The following CACNA1C variants were observed in gnomAD, a reference collection of about 807,000 sequenced individuals.
The protein encoded by CACNA1C is voltage-dependent L-type calcium channel subunit alpha-1C.
In CACNA1C, 30 loss-of-function variants were observed where a neutral mutation model predicts 229.0. The observed-to-expected ratio is 0.13, with a 90% confidence interval of 0.10 to 0.18. The LOEUF (loss-of-function observed/expected upper bound fraction) is 0.18. Among genes scored for constraint, CACNA1C ranks in the 10% least tolerant of loss-of-function variants. The pLI is 1.00. For missense variants in CACNA1C, 1,658 were observed against 2,845.0 expected (o/e 0.58, Z 9.49); for synonymous variants, 1,114 against 1,132.5 (o/e 0.98, Z 0.33).
chr12:2,305,252 C>T (rs1041106487), intron 3 of CACNA1C, among the ~76,000 whole-genome samples: 1 of 152,212 alleles, frequency 6.6e-6, no homozygotes, highest in Non-Finnish European at 1.5e-5. Context: ...AAAGCTGGGG[C>T]AGATTCTGAG....
intron 3 of CACNA1C, among the ~76,000 whole-genome samples, chr12:2,273,377 A>G (rs956492067): frequency 6.6e-6 from 1 of 152,142 alleles, no homozygotes. Flanking sequence ...CAAGAATGCA[A>G]AGGGCCAACT....
chr12:1,977,202 A>G (rs1017546994), intron 1 of CACNA1C, among the ~76,000 whole-genome samples: 1 of 152,184 alleles, frequency 6.6e-6, no homozygotes, highest in Non-Finnish European at 1.5e-5. Context: ...AAGAGCTTTT[A>G]TTCCTCCATG....
chr12:2,498,292 C>T (rs568948006), intron 7 of CACNA1C, among the ~76,000 whole-genome samples: 8 of 152,232 alleles, frequency 5.3e-5, no homozygotes, highest in South Asian at 2.1e-4. Flanking sequence ...GAGTAGAGAC[C>T]GTGTTAGGAC....
Position 2,512,749 on chromosome 12 carries a change from C to T in CACNA1C, c.1218-63C>T. The T allele has an allele frequency of 2.3e-6, 3 of 1,283,402 alleles. No individual in the cohort carries two copies. Among genetic ancestry groups the T allele is most frequent in the Non-Finnish European group, 3.2e-6 (3 of 933,656 alleles). The allele number at this position is 1,283,402 out of a possible 1,614,324, so 79.5% of individuals were successfully genotyped here. ...CTCCATCTCTCCTTCCATCCTCGAC[C>T]CTTCTCGGTGCTCCCTCCTTCTCTG... is the stretch of plus-strand genomic sequence containing the variant. On this transcript the variant is annotated intron_variant, in intron 8 of 46. Coordinates refer to ENST00000399655, the MANE Select transcript of CACNA1C (RefSeq NM_000719.7). The surrounding 1 kb of genome is among the most constrained non-coding windows in gnomAD (Gnocchi z 4.3).
In CACNA1C at chr12:2,608,760, T is replaced by C; in HGVS notation, c.3558+48T>C. The C allele has an allele frequency of 2.5e-6, 4 of 1,595,530 alleles. No homozygotes were observed. The highest frequency in any genetic ancestry group is 3.4e-6 in the Non-Finnish European group (4 of 1,167,334). The stretch of plus-strand genomic sequence containing the variant: ...AGGGAAGCGGGGCCCACGGAGGGAA[T>C]GGCAGCCTGCGGCCCACCCCGCAGA... On this transcript the variant is annotated intron_variant, in intron 27 of 46. Coordinates refer to ENST00000399655, the MANE Select transcript of CACNA1C (RefSeq NM_000719.7). The surrounding 1 kb of genome is among the most constrained non-coding windows in gnomAD (Gnocchi z 4.2).
chr12:2,323,223 C>T (rs947832332), intron 3 of CACNA1C, among the ~76,000 whole-genome samples: 1 of 152,156 alleles, frequency 6.6e-6, no homozygotes, highest in African/African-American at 2.4e-5. Flanking sequence ...ATTCACAACC[C>T]TAAGGAAATT....
At chr12:2,441,980 T>C (rs1214802864) in intron 3 of CACNA1C, among the ~76,000 whole-genome samples, 1 of 152,152 alleles carries the variant, frequency 6.6e-6, no homozygotes, top group Non-Finnish European at 1.5e-5. Context: ...CTAGAGCTCT[T>C]TGCAGCACTG....
intron 9 of CACNA1C, among the ~76,000 whole-genome samples, chr12:2,521,567 G>A (rs11062252): frequency 0.11 from 16,737 of 152,162 alleles, 994 homozygotes; most frequent in Middle Eastern, 0.15. Flanking sequence ...AGCATCTTCC[G>A]AGCCCACTTC....
intron 6 of CACNA1C, among the ~76,000 whole-genome samples, chr12:2,487,923 CTG>C (rs1259704849): frequency 9.2e-5 from 14 of 152,090 alleles, no homozygotes; most frequent in Non-Finnish European, 1.8e-4. Flanking sequence ...TAAAAACTGA[CTG>C]TGGTATGTCT....
intron 3 of CACNA1C, among the ~76,000 whole-genome samples, chr12:2,242,586 C>A (rs969330795): frequency 4.6e-5 from 7 of 152,222 alleles, no homozygotes; most frequent in Admixed American, 2.6e-4. Context: ...ATGTCAGTGG[C>A]CTGTTGGCCT....
chr12:2,392,182 G>A (rs940139033), intron 3 of CACNA1C, among the ~76,000 whole-genome samples: 6 of 152,156 alleles, frequency 3.9e-5, no homozygotes, highest in Non-Finnish European at 5.9e-5. Flanking sequence ...GGCATTGACC[G>A]ATAATAAATT....
At chr12:2,200,640 T>C (rs2097555594) in intron 3 of CACNA1C, among the ~76,000 whole-genome samples, 2 of 152,160 alleles carry the variant, frequency 1.3e-5, no homozygotes, top group Non-Finnish European at 2.9e-5. Context: ...GGAACCGGGA[T>C]AGATACACAA....
intron 3 of CACNA1C, among the ~76,000 whole-genome samples, chr12:2,257,430 G>T (rs2078393447): frequency 6.6e-6 from 1 of 152,182 alleles, no homozygotes; most frequent in Admixed American, 6.5e-5. Context: ...GGATGAAATT[G>T]TTCCACTTCA....
At chr12:2,489,900 A>G (rs1265394323) in intron 6 of CACNA1C, among the ~76,000 whole-genome samples, 1 of 152,168 alleles carries the variant, frequency 6.6e-6, no homozygotes, top group Non-Finnish European at 1.5e-5. Context: ...CTCCCACTTC[A>G]TGTTCCCACT....
At chr12:2,554,832 T>G (rs1464163116) in intron 10 of CACNA1C, among the ~76,000 whole-genome samples, 2 of 152,214 alleles carry the variant, frequency 1.3e-5, no homozygotes, top group East Asian at 3.9e-4. Flanking sequence ...CAAAAGCCGC[T>G]GAGCAGTGTC....
At position 2,655,331 on chromosome 12, in the gene CACNA1C, C is replaced by T. The variant is rs570679521; in HGVS notation, c.4232+93C>T. On this transcript the variant is annotated intron_variant, in intron 34 of 46. Transcript: ENST00000399655. ...GGTAGAATGAAAGGGAACTGCTTCCCGGGGAGTAGGAAGGGAGAGGATGTG... is the reference window on the plus strand; with the variant it reads ...GGTAGAATGAAAGGGAACTGCTTCCTGGGGAGTAGGAAGGGAGAGGATGTG... The T allele has an allele frequency of 7.7e-5, 58 of 750,698 alleles. No individual in the cohort carries two copies. In the Middle Eastern group the frequency reaches 1.0e-3, roughly 13 times the overall value. 46.5% of individuals were successfully genotyped at this position (750,698 alleles called of 1,614,324 possible). A position where few individuals can be genotyped will look rare whatever the true frequency, so the allele number is the denominator to read the frequency against.
chr12:2,106,500 C>T (rs1424125043), intron 1 of CACNA1C, among the ~76,000 whole-genome samples: 1 of 108,416 alleles, frequency 9.2e-6, no homozygotes, highest in Non-Finnish European at 2.0e-5. Context: ...GGGAGGGTTT[C>T]CACCTCAGCT....
At chr12:2,093,236 C>T (rs2072134361) in intron 1 of CACNA1C, among the ~76,000 whole-genome samples, 1 of 152,218 alleles carries the variant, frequency 6.6e-6, no homozygotes, top group Non-Finnish European at 1.5e-5. Context: ...GGGGCCTCTC[C>T]TTCCCAGGGA....
chr12:2,189,500 T>A (rs1281048417), intron 3 of CACNA1C, among the ~76,000 whole-genome samples: 1 of 152,170 alleles, frequency 6.6e-6, no homozygotes, highest in African/African-American at 2.4e-5. Context: ...ACTTGCCATA[T>A]GGGCCATCGT....
Sources: gnomAD v4.1 joint callset for allele counts (sites outside exome capture counted in the v4.1 genomes callset) on GRCh38, gnomAD v4.1.1 for gene constraint, Gnocchi (gnomAD v3.1) non-coding constraint, MANE v1.5 for transcripts, NCBI Gene and HGNC (gene_info 2026-07-23, HGNC 2026-07-21) for gene names.